The following FAM227B variants were observed in gnomAD, a reference collection of about 807,000 sequenced individuals.
FAM227B encodes the protein protein FAM227B.
A neutral mutation model predicts 73.8 loss-of-function variants in FAM227B; 88 were observed. The observed-to-expected ratio is 1.19, with a 90% CI of 1.00 to 1.42. FAM227B has a LOEUF of 1.42. FAM227B is among the 40% of genes most tolerant of loss of function. FAM227B has a pLI of 0.00. For missense variants in FAM227B, 632 were observed against 590.9 expected (o/e 1.07, Z -0.72); for synonymous variants, 210 against 190.5 (o/e 1.10, Z -0.84).
At chr15:49,422,600 A>G (rs2049781533) in intron 11 of FAM227B, 1 of 1,203,674 alleles carries the variant, frequency 8.3e-7, no homozygotes, top group African/African-American at 1.5e-5. Context: ...AGACCAATAC[A>G]CCAATTTTAC....
At chr15:49,453,480 C>A (rs12903654) in intron 11 of FAM227B, among the ~76,000 whole-genome samples, 1 of 152,034 alleles carries the variant, frequency 6.6e-6, no homozygotes, top group Non-Finnish European at 1.5e-5. Flanking sequence ...GCATGTTTTT[C>A]CTTTACAACA....
At chr15:49,537,737 T>C (rs1387764462) in intron 10 of FAM227B, among the ~76,000 whole-genome samples, 1 of 152,126 alleles carries the variant, frequency 6.6e-6, no homozygotes, top group Non-Finnish European at 1.5e-5. Context: ...ATTCAGCATT[T>C]TAAAAAAGGA....
intron 11 of FAM227B, among the ~76,000 whole-genome samples, chr15:49,472,291 A>G (rs191231861): frequency 6.6e-6 from 1 of 152,332 alleles, no homozygotes; most frequent in Admixed American, 6.5e-5. Flanking sequence ...GGAAGTTTCC[A>G]AGTCCATTTA....
chr15:49,520,175 C>A (rs527260089), intron 10 of FAM227B, among the ~76,000 whole-genome samples: 31 of 152,304 alleles, frequency 2.0e-4, no homozygotes, highest in South Asian at 8.3e-4. Context: ...AATTCCTCAT[C>A]TCCGTCTGAC....
At chr15:49,536,072 C>CAAAAAAAAAAAAAAAAAAAA (rs59203003) in intron 10 of FAM227B, among the ~76,000 whole-genome samples, 6 of 114,010 alleles carry the variant, frequency 5.3e-5, no homozygotes, top group Non-Finnish European at 1.1e-4. Flanking sequence ...GGCAATCAGA[C>CAAAAAAAAAAAAAAAAAAAA]AAAAAAAAAA....
chr15:49,391,874 T>A (rs1298082821), intron 11 of FAM227B, among the ~76,000 whole-genome samples: 1 of 152,144 alleles, frequency 6.6e-6, no homozygotes, highest in East Asian at 1.9e-4. Flanking sequence ...GGAGGCCAGC[T>A]CTTAAGGATT....
At chr15:49,531,349 A>G (rs1458670274) in intron 10 of FAM227B, among the ~76,000 whole-genome samples, 1 of 151,938 alleles carries the variant, frequency 6.6e-6, no homozygotes, top group Non-Finnish European at 1.5e-5. Flanking sequence ...TTAGATTTCA[A>G]TAAAATAATG....
intron 13 of FAM227B, among the ~76,000 whole-genome samples, chr15:49,355,778 C>T (rs946367681): frequency 6.6e-6 from 1 of 151,768 alleles, no homozygotes; most frequent in Non-Finnish European, 1.5e-5. Flanking sequence ...AACTCCAAGA[C>T]ACATAATTGT....
chr15:49,444,423 T>G (rs1391357905), intron 11 of FAM227B, among the ~76,000 whole-genome samples: 1 of 151,768 alleles, frequency 6.6e-6, no homozygotes, highest in African/African-American at 2.4e-5. Context: ...AGAATATAGA[T>G]GATCACATAT....
At chr15:49,365,593 T>A (rs2045012159) in intron 13 of FAM227B, 2 of 975,546 alleles carry the variant, frequency 2.1e-6, no homozygotes, top group Non-Finnish European at 3.3e-6. Context: ...ACTCTCACCA[T>A]TCTTTGTGAT....
intron 9 of FAM227B, among the ~76,000 whole-genome samples, chr15:49,547,584 G>T (rs1209113749): frequency 6.6e-6 from 1 of 152,112 alleles, no homozygotes; most frequent in Non-Finnish European, 1.5e-5. Context: ...GATGGAGGAA[G>T]ATCTACCAAG....
Position 49,554,820 on chromosome 15 carries a change from G to T in FAM227B, c.748-13014C>A, listed in dbSNP as rs189282126. On this transcript the variant is annotated intron_variant, in intron 9 of 15. Transcript: ENST00000299338. ...TTTCTGTGTAGATAGTTGTTAACTTGGTGTTCTTGTGGGGGGACAATCAGT... is the reference window on the plus strand; with the variant it reads ...TTTCTGTGTAGATAGTTGTTAACTTTGTGTTCTTGTGGGGGGACAATCAGT... Among the ~76,000 whole-genome samples the T allele has an allele frequency of 4.4e-3, 674 of 152,048 alleles. 10 individuals are homozygous for T. The highest frequency in any genetic ancestry group is 0.016 in the African/African-American group (643 of 41,464).
At chr15:49,361,717 G>A (rs887355210) in intron 13 of FAM227B, among the ~76,000 whole-genome samples, 23 of 152,114 alleles carry the variant, frequency 1.5e-4, no homozygotes, top group African/African-American at 5.3e-4. Context: ...ACGCGTGAAT[G>A]TATCTTTCTG....
At chr15:49,338,807 T>G (rs1253155763) in intron 13 of FAM227B, among the ~76,000 whole-genome samples, 2 of 152,234 alleles carry the variant, frequency 1.3e-5, no homozygotes, top group Non-Finnish European at 2.9e-5. Context: ...CCATATTTGT[T>G]GGAGGCTTTG....
At chr15:49,603,796 T>A (rs972610911) in intron 3 of FAM227B, among the ~76,000 whole-genome samples, 2 of 152,200 alleles carry the variant, frequency 1.3e-5, no homozygotes, top group Non-Finnish European at 2.9e-5. Flanking sequence ...GGGTCTGTCA[T>A]ATATAGCTTT....
At chr15:49,557,046 G>A (rs2152325372) in intron 9 of FAM227B, among the ~76,000 whole-genome samples, 2 of 152,200 alleles carry the variant, frequency 1.3e-5, no homozygotes, top group Middle Eastern at 6.8e-3. Context: ...GTAGCCCCAT[G>A]CAGAGTTCCC....
At chr15:49,565,822 G>T (rs1019010102) in intron 9 of FAM227B, among the ~76,000 whole-genome samples, 4 of 152,146 alleles carry the variant, frequency 2.6e-5, no homozygotes, top group African/African-American at 7.2e-5. Context: ...AAGTGTCCTT[G>T]TAAGAGGGCA....
chr15:49,354,870 T>C (rs1395952947), intron 13 of FAM227B, among the ~76,000 whole-genome samples: 1 of 151,912 alleles, frequency 6.6e-6, no homozygotes, highest in Non-Finnish European at 1.5e-5. Context: ...GCAGTGGTTC[T>C]CCCAGCATGC....
rs143512817 is a variant in FAM227B at position 49,348,508 on chromosome 15, A to G, written c.1272-13012T>C. ...TTTTTCCTTCAATAAACAGGACTTT[A>G]GCTCTAAACTAGAATATAGGTTTCT... On this transcript the variant is annotated intron_variant, in intron 13 of 15. Coordinates refer to ENST00000299338, the MANE Select transcript of FAM227B (RefSeq NM_152647.3). 5.6e-3 allele frequency among the ~76,000 whole-genome samples: 859 copies of G among 152,334 alleles called. 6 individuals are homozygous for G. The highest frequency in any genetic ancestry group is 0.02 in the African/African-American group (819 of 41,588).
Sources: allele counts gnomAD v4.1 joint callset (sites outside exome capture counted in the v4.1 genomes callset), GRCh38; gene constraint gnomAD v4.1.1; transcripts MANE v1.5; gene names NCBI Gene and HGNC (gene_info 2026-07-23, HGNC 2026-07-21).